FOXK2: variants seen among roughly 807,000 people sequenced by gnomAD.
FOXK2 encodes forkhead box protein K2.
FOXK2 carries 24 observed loss-of-function variants against 53.3 expected under a neutral mutation model. The ratio of observed to expected loss-of-function variants is 0.45; its 90% CI spans 0.33 to 0.63. The LOEUF (loss-of-function observed/expected upper bound fraction) is 0.63. FOXK2 is among the 30% of genes least tolerant of loss of function. The pLI is 0.03. For synonymous variants in FOXK2, 505 were observed against 407.1 expected, an observed-to-expected ratio of 1.24 and a Z score of -2.89; for missense variants, 952 against 910.5, an observed-to-expected ratio of 1.05 and a Z score of -0.59.
Position 82,587,138 on chromosome 17 carries a change from C to G in FOXK2, c.1652C>G (p.Thr551Ser), listed in dbSNP as rs779943455. 1.1e-4 allele frequency: 176 copies of G among 1,613,132 alleles called. 2 individuals are homozygous for G. In the Middle Eastern group the frequency reaches 1.6e-3, roughly 15 times the overall value. Residue 551 changes from threonine to serine, a missense_variant, in exon 8 of 9, where the codon ACC becomes AGC. Thr to Ser is a moderately conservative substitution (Grantham distance 58). This residue lies in a region of FOXK2 where 551 missense variants were observed against 385.1 expected (regional missense o/e 1.43). Coordinates refer to ENST00000335255, the MANE Select transcript of FOXK2 (RefSeq NM_004514.4). ...TASRIIQTAQ[T>S]TPVQTVTIVQ... ...AGCCGGATCATTCAGACGGCACAGA[C>G]CACCCCGGTCCAGACGGTGACCATA...
At chr17:82,534,600 G>C (rs1458022704) in intron 1 of FOXK2, among the ~76,000 whole-genome samples, 1 of 152,142 alleles carries the variant, frequency 6.6e-6, no homozygotes, top group Non-Finnish European at 1.5e-5. Flanking sequence ...CTGGGACTGC[G>C]CTACTGGAGC....
At chr17:82,525,676 G>A (rs1046469583) in intron 1 of FOXK2, among the ~76,000 whole-genome samples, 5 of 152,146 alleles carry the variant, frequency 3.3e-5, no homozygotes, top group African/African-American at 1.2e-4. Context: ...AATGTCAAAT[G>A]AATTTGACAC....
chr17:82,533,078 C>G (rs2044487374), intron 1 of FOXK2, among the ~76,000 whole-genome samples: 1 of 152,222 alleles, frequency 6.6e-6, no homozygotes, highest in South Asian at 2.1e-4. Context: ...GTGCATGGAG[C>G]TGTCACCTCC....
intron 1 of FOXK2, among the ~76,000 whole-genome samples, chr17:82,546,933 C>T (rs1466215098): frequency 6.6e-6 from 1 of 151,808 alleles, no homozygotes; most frequent in African/African-American, 2.4e-5. Context: ...CAAAATTAGT[C>T]GGGCGTGGTG....
intron 1 of FOXK2, among the ~76,000 whole-genome samples, chr17:82,550,747 C>T (rs904142847): frequency 4.6e-5 from 7 of 152,104 alleles, no homozygotes; most frequent in African/African-American, 1.7e-4. Flanking sequence ...CCTTGTGATC[C>T]GCCTGCCTCA....
chr17:82,557,599 C>T (rs191221580), intron 1 of FOXK2, among the ~76,000 whole-genome samples: 195 of 152,296 alleles, frequency 1.3e-3, no homozygotes, highest in African/African-American at 4.5e-3. Flanking sequence ...CTGCCTTGGC[C>T]TCCAAAAGTG....
chr17:82,572,902 A>G (rs1472493482), intron 4 of FOXK2, among the ~76,000 whole-genome samples: 1 of 152,196 alleles, frequency 6.6e-6, no homozygotes, highest in Non-Finnish European at 1.5e-5. Context: ...GTTAAAAAAT[A>G]GCCTACCGGC....
chr17:82,546,114 G>GTTTTTT lies in FOXK2; in HGVS notation c.420-17225_420-17220dup, dbSNP rs531735206. On this transcript the variant is annotated intron_variant, in intron 1 of 8. Transcript: ENST00000335255. ...GCTTACTTGCTACCAAGCATGGTTG[G>GTTTTTT]TTTTTTTTTTTTTTTTTTTTGAGAT... Among the ~76,000 whole-genome samples, 31 of 101,708 alleles carry GTTTTTT rather than the reference G, an allele frequency of 3.0e-4. 1 individual carries two copies. The highest frequency in any genetic ancestry group is 5.3e-4 in the East Asian group (2 of 3,764). The allele number at this position is 101,708 out of a possible 152,430, so 66.7% of individuals were successfully genotyped here.
intron 1 of FOXK2, among the ~76,000 whole-genome samples, chr17:82,521,339 A>AT (rs1299151320): frequency 6.6e-6 from 1 of 151,292 alleles, no homozygotes; most frequent in East Asian, 2.0e-4. Flanking sequence ...CGCCCGGCTA[A>AT]TTTTTTGTAT....
Position 82,584,002 on chromosome 17 carries a change from C to T in FOXK2, c.1104-11C>T, listed in dbSNP as rs1375054369. The T allele has an allele frequency of 1.0e-5, 16 of 1,575,470 alleles. No individual in the cohort carries two copies. The highest frequency in any genetic ancestry group is 3.6e-5 in the Admixed American group (2 of 55,240). On this transcript the variant is annotated splice_polypyrimidine_tract_variant and intron_variant, in intron 5 of 8. Transcript: ENST00000335255. ...CTGTAACCATGCAATGTCTTCTTCT[C>T]GGTGACACAGGAGTGCCCCAGCCTC...
chr17:82,558,434 G>A (rs765053980), intron 1 of FOXK2, among the ~76,000 whole-genome samples: 2 of 152,230 alleles, frequency 1.3e-5, no homozygotes, highest in African/African-American at 2.4e-5. Flanking sequence ...GGACGAGGAC[G>A]TTGTGCGTAA....
intron 1 of FOXK2, among the ~76,000 whole-genome samples, chr17:82,526,007 A>G (rs530893768): frequency 1.3e-5 from 2 of 152,298 alleles, no homozygotes; most frequent in African/African-American, 2.4e-5. Flanking sequence ...TGAATCCCTC[A>G]CTTTATGTGG....
At chr17:82,526,974 C>G (rs759533402) in intron 1 of FOXK2, among the ~76,000 whole-genome samples, 15 of 152,196 alleles carry the variant, frequency 9.9e-5, no homozygotes, top group Non-Finnish European at 1.3e-4. Context: ...CAGAGCGGGT[C>G]GGAACGGAGC....
At chr17:82,550,798 C>T (rs776250546) in intron 1 of FOXK2, among the ~76,000 whole-genome samples, 9 of 152,162 alleles carry the variant, frequency 5.9e-5, no homozygotes, top group Non-Finnish European at 1.2e-4. Flanking sequence ...GGCCACGGCG[C>T]CGGCCCTGAG....
At chr17:82,576,081 C>G (rs2044981493) in intron 4 of FOXK2, among the ~76,000 whole-genome samples, 1 of 86,368 alleles carries the variant, frequency 1.2e-5, no homozygotes, top group Non-Finnish European at 2.2e-5. Context: ...TTCGTCCACA[C>G]CAGCGTGTGT....
At chr17:82,554,054 G>A (rs745516541) in intron 1 of FOXK2, among the ~76,000 whole-genome samples, 44 of 152,152 alleles carry the variant, frequency 2.9e-4, no homozygotes, top group African/African-American at 9.6e-4. Flanking sequence ...GGATGGTCTC[G>A]AACTCCTGAG....
At chr17:82,576,521 CT>C (rs2044988093) in intron 4 of FOXK2, 1 of 608,246 alleles carries the variant, frequency 1.6e-6, no homozygotes, top group Admixed American at 3.1e-5. Flanking sequence ...CAGAGTCAGT[CT>C]TTTTCCAAGA....
chr17:82,555,830 G>A (rs1400164029), intron 1 of FOXK2, among the ~76,000 whole-genome samples: 1 of 141,200 alleles, frequency 7.1e-6, no homozygotes, highest in African/African-American at 2.6e-5. Context: ...GGAGCTTGCA[G>A]TGAGCCGAGA....
rs1567985235 is a variant in FOXK2, at chr17:82,586,401, CGGGGGGG to C, written c.1576+202_1576+208del. Among the ~76,000 whole-genome samples the C allele has an allele frequency of 8.0e-4, 33 of 41,174 alleles. 1 individual carries two copies. The highest frequency in any genetic ancestry group is 8.9e-4 in the Non-Finnish European group (20 of 22,456). The allele number at this position is 41,174 out of a possible 152,430, so 27.0% of individuals were successfully genotyped here. Reference sequence around the variant, plus strand: ...AGACCACAGGGAGGTGAAAGGTGGGCGGGGGGGAAAGGAGGAGAGGGGAGACCACAGG... The same window carrying C: ...AGACCACAGGGAGGTGAAAGGTGGGCAAAGGAGGAGAGGGGAGACCACAGG... On this transcript the variant is annotated intron_variant, in intron 7 of 8. Transcript: ENST00000335255.
Sources: allele counts gnomAD v4.1 joint callset (sites outside exome capture counted in the v4.1 genomes callset), GRCh38; gene constraint gnomAD v4.1.1; regional missense constraint gnomAD v4.1.1; transcripts MANE v1.5; gene names NCBI Gene and HGNC (gene_info 2026-07-23, HGNC 2026-07-21).